Variants in OAS3 observed in about 807,000 individuals in gnomAD.
The protein encoded by OAS3 is 2'-5'-oligoadenylate synthase 3.
In OAS3, 107 loss-of-function variants were observed where a neutral mutation model predicts 113.0. The ratio of observed to expected loss-of-function variants is 0.95; its 90% CI spans 0.81 to 1.11. The LOEUF is 1.11. Ranked by LOEUF, OAS3 falls within the 50% of genes most tolerant of loss-of-function variation. The pLI, the probability that OAS3 is intolerant of heterozygous loss-of-function variation, is 0.00. For synonymous variants in OAS3, 552 were observed against 573.6 expected (o/e 0.96, Z 0.54); for missense variants, 1,258 against 1,389.1 (o/e 0.91, Z 1.50).
Position 112,970,489 on chromosome 12 carries a change from G to A in OAS3, c.*516G>A, listed in dbSNP as rs1178032011. On this transcript the variant is annotated 3_prime_UTR_variant, in exon 16 of 16. Transcript: ENST00000228928. ...GCTACCTGGAGCCTTATCTTCTGAA[G>A]GGTTTTAAAGAATGGCCAATTAGCT... The A allele has an allele frequency of 6.0e-6, 1 of 165,300 alleles. No homozygotes were observed. The highest frequency in any genetic ancestry group is 2.4e-5 in the African/African-American group (1 of 41,758). The allele number at this position is 165,300 out of a possible 1,614,324, so 10.2% of individuals were successfully genotyped here.
rs752239542 is a variant in OAS3 at position 112,972,520 on chromosome 12, C to A, written c.*2547C>A. On this transcript the variant is annotated 3_prime_UTR_variant, in exon 16 of 16. Transcript: ENST00000228928. The stretch of plus-strand genomic sequence containing the variant: ...TTTTCGATGGAACCAGGTAAGTTGA[C>A]GCTAAAGTTCTTATGGAAAAATACA... The A allele has an allele frequency of 6.6e-6, 1 of 152,164 alleles. No homozygotes were observed. The highest frequency in any genetic ancestry group is 2.4e-5 in the African/African-American group (1 of 41,416). 9.4% of individuals were successfully genotyped at this position (152,164 alleles called of 1,614,324 possible).
Position 112,950,993 on chromosome 12 carries a change from G to A in OAS3, c.1657+18G>A. On this transcript the variant is annotated intron_variant, in intron 7 of 15. Transcript: ENST00000228928. ...TGCTGTGGGTGAGGGCGCCCAGCCT[G>A]TCCCTTGGAGAGTGATAGGGACCTC... The A allele has an allele frequency of 1.2e-6, 2 of 1,606,584 alleles. No individual in the cohort carries two copies. The highest frequency in any genetic ancestry group is 4.5e-5 in the East Asian group (2 of 44,754).
chr12:112,967,732 C>T lies in OAS3; in HGVS notation c.2865+139C>T, dbSNP rs973040580. On this transcript the variant is annotated intron_variant, in intron 13 of 15. Transcript: ENST00000228928. ...GAGCAGAAAGAGTGCTATATCTCAG[C>T]TGTGGGACCTTAGTTTTCTTATCTG... 6 of 1,093,776 alleles carry T rather than the reference C, an allele frequency of 5.5e-6. No homozygotes were observed. The African/African-American group carries it at 8.0e-5, about 15-fold the overall frequency. The allele number at this position is 1,093,776 out of a possible 1,614,324, so 67.8% of individuals were successfully genotyped here. A position where few individuals can be genotyped will look rare whatever the true frequency, so the allele number is the denominator to read the frequency against.
intron 5 of OAS3, among the ~76,000 whole-genome samples, 178 bp downstream of exon 5, chr12:112,948,277 C>G (rs1183042349): frequency 6.6e-6 from 1 of 152,078 alleles, no homozygotes; most frequent in Non-Finnish European, 1.5e-5. Context: ...GGGCAGATTA[C>G]CTGAGGTCAG....
In OAS3 at chr12:112,963,186, G is replaced by A. The variant is rs972107463; in HGVS notation, c.2085-127G>A. 8 of 1,225,842 alleles carry A rather than the reference G, an allele frequency of 6.5e-6. No individual in the cohort carries two copies. The highest frequency in any genetic ancestry group is 8.8e-6 in the Non-Finnish European group (8 of 904,594). 75.9% of individuals were successfully genotyped at this position (1,225,842 alleles called of 1,614,324 possible). A position where few individuals can be genotyped will look rare whatever the true frequency, so the allele number is the denominator to read the frequency against. ...CAATTGAGATCGCTTCTGCACTTGGGCAAGACTGAGCCAACCCTGAGGTCC... is the reference window on the plus strand; with the variant it reads ...CAATTGAGATCGCTTCTGCACTTGGACAAGACTGAGCCAACCCTGAGGTCC... On this transcript the variant is annotated intron_variant, in intron 9 of 15. Transcript: ENST00000228928. This position sits in a 1 kb window ranked among gnomAD's most constrained non-coding sequence, Gnocchi z 4.6.
chr12:112,953,038 G>C (rs1316937189), intron 7 of OAS3, among the ~76,000 whole-genome samples: 4 of 152,034 alleles, frequency 2.6e-5, no homozygotes, highest in Admixed American at 2.6e-4. Context: ...TGCACAACAT[G>C]CAGGTTTGTT....
At position 112,965,803 on chromosome 12, in the gene OAS3, G is replaced by C; in HGVS notation, c.2463G>C (p.Val821=). The C allele has an allele frequency of 6.2e-7, 1 of 1,613,768 alleles. No homozygotes were observed. The highest frequency in any genetic ancestry group is 8.5e-7 in the Non-Finnish European group (1 of 1,179,880). ...LRGRSDADLV[V]FLSCFSQFTE... is the part of the protein sequence containing the mutation. ...GCCGCTCAGATGCCGACCTCGTGGT[G>C]TTCCTCAGCTGCTTCAGCCAGTTCA... Residue 821 remains valine (V), a synonymous_variant, in exon 12 of 16, where the codon GTG becomes GTC. Transcript: ENST00000228928.
rs750458641 is a variant in OAS3 at position 112,947,946 on chromosome 12, G to T, written c.876G>T (p.Arg292Ser). The T allele has an allele frequency of 2.1e-5, 33 of 1,588,206 alleles. 1 individual carries two copies. Among genetic ancestry groups the T allele is most frequent in the Non-Finnish European group, 2.7e-5 (32 of 1,167,558 alleles). The change falls in exon 5 of 16, where the codon AGG becomes AGT. Residue 292 changes from arginine (R) to serine (S), a missense_variant and splice_region_variant. Physicochemically the swap from Arg to Ser is moderately radical, Grantham distance 110. Transcript: ENST00000228928. ...CCTTCTTGTCTCTCTGAAATTGCAGGCCTGTGATCCTGGACCCAGCTGACC... is the reference window on the plus strand; with the variant it reads ...CCTTCTTGTCTCTCTGAAATTGCAGTCCTGTGATCCTGGACCCAGCTGACC... The part of the protein sequence containing the change: ...QFLQRQLKRP[R>S]PVILDPADPT...
In OAS3 at chr12:112,938,640, C is replaced by T. The variant is rs554406457; in HGVS notation, c.110C>T (p.Ala37Val). ...EKARRALGAL[A>V]AALRERGGRL... ...GCGCGGCGCGCTCTGGGCGCCCTGG[C>T]CGCTGCCCTGAGGGAGCGCGGGGGC... Residue 37 changes from alanine to valine, a missense_variant, in exon 1 of 16, where the codon GCC becomes GTC. Ala to Val is a moderately conservative substitution (Grantham distance 64). Transcript: ENST00000228928. 51 of 1,605,258 alleles carry T rather than the reference C, an allele frequency of 3.2e-5. No individual in the cohort carries two copies. Among genetic ancestry groups the T allele is most frequent in the South Asian group, 2.3e-4 (21 of 90,102 alleles).
At chr12:112,946,003 A>C (rs994428668) in intron 3 of OAS3, among the ~76,000 whole-genome samples, 7 of 152,208 alleles carry the variant, frequency 4.6e-5, no homozygotes, top group African/African-American at 1.7e-4. Flanking sequence ...AAATTAATTA[A>C]TTAATTAATA....
At chr12:112,951,005 G>C (rs1446899174) in intron 7 of OAS3, 30 bp downstream of exon 7, 2 of 1,595,106 alleles carry the variant, frequency 1.3e-6, no homozygotes, top group East Asian at 2.2e-5. Flanking sequence ...CCCTTGGAGA[G>C]TGATAGGGAC....
Position 112,968,122 on chromosome 12 carries a change from G to A in OAS3, c.3052G>A (p.Ala1018Thr), listed in dbSNP as rs545617712. Residue 1018 changes from alanine (A) to threonine (T), a missense_variant, in exon 14 of 16, where the codon GCC (alanine) becomes ACC (threonine). Ala to Thr is a moderately conservative substitution (Grantham distance 58). Transcript: ENST00000228928. ...TATCTACTGGACCATCAACTACAACGCCAAGGACAAGACTGTTGGAGACTT... is the reference window on the plus strand; with the variant it reads ...TATCTACTGGACCATCAACTACAACACCAAGGACAAGACTGTTGGAGACTT... ...LCIYWTINYN[A>T]KDKTVGDFLK... The A allele has an allele frequency of 1.1e-5, 17 of 1,613,904 alleles. No homozygotes were observed. The East Asian group carries it at 1.3e-4, about 13-fold the overall frequency.
chr12:112,969,227 GA>G (rs1452883531), intron 14 of OAS3: 1 of 187,816 alleles, frequency 5.3e-6, no homozygotes, highest in Non-Finnish European at 1.1e-5. Context: ...TCCAAAATCT[GA>G]AAAAATTTGA....
chr12:112,947,799 G>A (rs574320763), intron 4 of OAS3, 147 bp from the exon 5 acceptor site: 22 of 660,488 alleles, frequency 3.3e-5, no homozygotes, highest in South Asian at 1.7e-4. Flanking sequence ...CTCATTTTGC[G>A]GATAAGGAAA....
rs1242649208 is a variant in OAS3 at position 112,948,929 on chromosome 12, T to C, written c.1098T>C (p.Pro366=). The change falls in exon 6 of 16, where the codon CCT becomes CCC. Residue 366 remains proline, a synonymous_variant. Coordinates refer to ENST00000228928, the MANE Select transcript of OAS3 (RefSeq NM_006187.4). ...AGCTAGACCCTAACCAGAAGACCCC[T>C]GAAAACAGCAAGAGCCTCAATGCTG... The part of the protein sequence containing the change: ...PIQLDPNQKT[P]ENSKSLNAVY... 1.2e-6 allele frequency: 2 copies of C among 1,611,514 alleles called. No homozygotes were observed.
intron 1 of OAS3, among the ~76,000 whole-genome samples, chr12:112,939,530 A>C (rs558913733): frequency 6.6e-6 from 1 of 152,274 alleles, no homozygotes; most frequent in Non-Finnish European, 1.5e-5. Context: ...CGTGTTGCCC[A>C]GGCTGGCCTG....
chr12:112,967,835 T>G (rs2043949649), intron 13 of OAS3, 101 bp from the exon 14 acceptor site: 5 of 1,362,310 alleles, frequency 3.7e-6, no homozygotes, highest in Middle Eastern at 3.8e-4. Flanking sequence ...ATGTAGGTGC[T>G]CAATAAAAGT....
chr12:112,961,205 C>T lies in OAS3; in HGVS notation c.1792C>T (p.Leu598=). 1 of 1,613,196 alleles carries T rather than the reference C, an allele frequency of 6.2e-7. No individual in the cohort carries two copies. The highest frequency in any genetic ancestry group is 8.5e-7 in the Non-Finnish European group (1 of 1,179,902). ...RNFMNIRPVK[L]KNLILLVKHW... ...CTTCATGAACATTCGCCCTGTCAAG[C>T]TGAAGAACCTGATTCTGCTGGTGAA... Residue 598 remains leucine, a synonymous_variant, in exon 8 of 16, where the codon CTG becomes TTG. Transcript: ENST00000228928.
chr12:112,943,558 G>C (rs1157455684), intron 2 of OAS3, among the ~76,000 whole-genome samples: 1 of 152,114 alleles, frequency 6.6e-6, no homozygotes, highest in African/African-American at 2.4e-5. Context: ...TGCCTCCATC[G>C]CATGCTGGCT....
Sources: allele counts gnomAD v4.1 joint callset (sites outside exome capture counted in the v4.1 genomes callset), GRCh38; gene constraint gnomAD v4.1.1; non-coding constraint Gnocchi (gnomAD v3.1); transcripts MANE v1.5; gene names NCBI Gene and HGNC (gene_info 2026-07-23, HGNC 2026-07-21).